Variants in DNAL1 observed in about 807,000 individuals in gnomAD.
DNAL1 encodes dynein axonemal light chain 1.
DNAL1 carries 17 observed loss-of-function variants against 29.4 expected under a neutral mutation model. The ratio of observed to expected loss-of-function variants is 0.58; its 90% CI spans 0.40 to 0.87. DNAL1 has a LOEUF of 0.87. DNAL1 is among the 40% of genes least tolerant of loss of function. DNAL1 has a pLI of 0.00. For synonymous variants in DNAL1, 78 were observed against 76.3 expected, an observed-to-expected ratio of 1.02 and a Z score of -0.12; for missense variants, 188 against 214.1, an observed-to-expected ratio of 0.88 and a Z score of 0.76.
chr14:73,697,626 C>G lies in DNAL1; in HGVS notation c.*1684C>G, dbSNP rs1241767307. The G allele has an allele frequency of 6.6e-6, 1 of 151,856 alleles. No individual in the cohort carries two copies. Among genetic ancestry groups the G allele is most frequent in the East Asian group, 1.9e-4 (1 of 5,172 alleles). 9.4% of individuals were successfully genotyped at this position (151,856 alleles called of 1,614,324 possible). A position where few individuals can be genotyped will look rare whatever the true frequency, so the allele number is the denominator to read the frequency against. On this transcript the variant is annotated 3_prime_UTR_variant, in exon 8 of 8. Transcript: ENST00000553645. ...GTCCTGGTGGTGGGCGCCTGTAGTC[C>G]CAACTACTCGGGAGGCTGAGGCAGG... is the stretch of plus-strand genomic sequence containing the variant.
intron 1 of DNAL1, among the ~76,000 whole-genome samples, chr14:73,652,759 A>G (rs532645212): frequency 6.6e-6 from 1 of 152,250 alleles, no homozygotes; most frequent in African/African-American, 2.4e-5. Flanking sequence ...CAAATGTGTG[A>G]ACGCCTATCT....
chr14:73,671,947 G>A (rs1293829411), intron 5 of DNAL1, among the ~76,000 whole-genome samples: 1 of 152,132 alleles, frequency 6.6e-6, no homozygotes, highest in Non-Finnish European at 1.5e-5. Flanking sequence ...AATATTTCTT[G>A]TATCTGTTCC....
intron 5 of DNAL1, among the ~76,000 whole-genome samples, chr14:73,677,570 T>A (rs1013227455): frequency 5.3e-5 from 8 of 150,100 alleles, no homozygotes; most frequent in South Asian, 2.1e-4. Context: ...TTATTTATTT[T>A]TTTTGAGACG....
chr14:73,701,163 G>A lies in DNAL1; in HGVS notation c.*5221G>A, dbSNP rs1024557084. The A allele has an allele frequency of 1.3e-5, 2 of 152,224 alleles. No homozygotes were observed. Among genetic ancestry groups the A allele is most frequent in the African/African-American group, 2.4e-5 (1 of 41,456 alleles). The allele number at this position is 152,224 out of a possible 1,614,324, so 9.4% of individuals were successfully genotyped here. On this transcript the variant is annotated 3_prime_UTR_variant, in exon 8 of 8. Transcript: ENST00000553645. ...TCTAGTTAATTTCCCATATTGGGCA[G>A]TTTAGAGGAGACCCAGCCAACCAAA...
chr14:73,652,139 G>A (rs1891126158), intron 1 of DNAL1, among the ~76,000 whole-genome samples: 1 of 151,986 alleles, frequency 6.6e-6, no homozygotes, highest in South Asian at 2.1e-4. Context: ...GGGCTCTAGT[G>A]GTCCTCCCGC....
At chr14:73,676,238 A>C (rs980837632) in intron 5 of DNAL1, among the ~76,000 whole-genome samples, 10 of 151,938 alleles carry the variant, frequency 6.6e-5, no homozygotes, top group Admixed American at 6.6e-4. Context: ...TGTCTCAAAA[A>C]AAAAAAAAAT....
intron 7 of DNAL1, among the ~76,000 whole-genome samples, chr14:73,695,223 A>AT (rs1005479827): frequency 1.3e-5 from 2 of 149,488 alleles, no homozygotes; most frequent in African/African-American, 2.5e-5. Context: ...TGCCTGGCTA[A>AT]TTTTTTTTAT....
At chr14:73,649,769 G>A (rs1476686724) in intron 1 of DNAL1, among the ~76,000 whole-genome samples, 1 of 151,572 alleles carries the variant, frequency 6.6e-6, no homozygotes, top group African/African-American at 2.4e-5. Context: ...TTTTCTTATT[G>A]TATGCAGTTC....
At chr14:73,674,689 G>A (rs1053258674) in intron 5 of DNAL1, among the ~76,000 whole-genome samples, 10 of 151,992 alleles carry the variant, frequency 6.6e-5, no homozygotes, top group Non-Finnish European at 1.0e-4. Context: ...CCACAGGTGT[G>A]TGCCATCATA....
At chr14:73,686,016 G>A (rs139784374) in intron 5 of DNAL1, among the ~76,000 whole-genome samples, 2 of 152,102 alleles carry the variant, frequency 1.3e-5, no homozygotes, top group Admixed American at 6.6e-5. Context: ...TTTAAGGAAC[G>A]GCCAAATTGT....
chr14:73,649,835 T>C (rs1280769921), intron 1 of DNAL1, among the ~76,000 whole-genome samples: 1 of 152,206 alleles, frequency 6.6e-6, no homozygotes, highest in African/African-American at 2.4e-5. Flanking sequence ...CTGAAATCTA[T>C]GGACATTCAA....
At chr14:73,692,392 G>A (rs1032503302) in intron 7 of DNAL1, among the ~76,000 whole-genome samples, 3 of 152,046 alleles carry the variant, frequency 2.0e-5, no homozygotes, top group African/African-American at 7.2e-5. Flanking sequence ...TGAGGCAGGA[G>A]AATCACTTGA....
At chr14:73,654,812 G>GT (rs1258134213) in intron 1 of DNAL1, 35 bp from the exon 2 acceptor site, 2 of 1,496,148 alleles carry the variant, frequency 1.3e-6, no homozygotes, top group Non-Finnish European at 1.8e-6. Flanking sequence ...ATACAACTTT[G>GT]TTTTTTCTTT....
intron 5 of DNAL1, among the ~76,000 whole-genome samples, chr14:73,677,884 T>TGTGTGTGTGTGTGTGTG (rs1555402397): frequency 9.4e-5 from 9 of 96,132 alleles, no homozygotes; most frequent in African/African-American, 3.4e-4. Flanking sequence ...ATATATATAT[T>TGTGTGTGTGTGTGTGTG]TGTGTGTGTG....
chr14:73,657,875 G>A (rs941627351), intron 2 of DNAL1, among the ~76,000 whole-genome samples: 2 of 152,204 alleles, frequency 1.3e-5, no homozygotes, highest in East Asian at 1.9e-4. Flanking sequence ...GATTACAGGC[G>A]TGCACCACTA....
Position 73,662,046 on chromosome 14 carries a change from A to G in DNAL1, c.208+4A>G. The G allele has an allele frequency of 1.9e-6, 3 of 1,555,324 alleles. No individual in the cohort carries two copies. The highest frequency in any genetic ancestry group is 1.7e-6 in the Non-Finnish European group (2 of 1,147,108). On this transcript the variant is annotated splice_donor_region_variant and intron_variant, in intron 4 of 7. Coordinates refer to ENST00000553645, the MANE Select transcript of DNAL1 (RefSeq NM_031427.4). Reference sequence around the variant, plus strand: ...ATTGCCAACCTGAATGGCTTAAGTAAGTGATTCACAGTAACAGATGGTTCA... The same window carrying G: ...ATTGCCAACCTGAATGGCTTAAGTAGGTGATTCACAGTAACAGATGGTTCA...
At chr14:73,689,339 A>AGT (rs1172115745) in intron 6 of DNAL1, 36 bp from the exon 7 acceptor site, 2 of 1,549,384 alleles carry the variant, frequency 1.3e-6, no homozygotes, top group East Asian at 2.4e-5. Context: ...GCCAAAACTT[A>AGT]GTGTTTTAAT....
At chr14:73,666,718 G>A (rs539053922) in intron 4 of DNAL1, among the ~76,000 whole-genome samples, 31 of 152,248 alleles carry the variant, frequency 2.0e-4, no homozygotes, top group Admixed American at 1.4e-3. Context: ...CTTAGAAAAA[G>A]TTGCATATAT....
chr14:73,655,835 C>G (rs533065361), intron 2 of DNAL1, among the ~76,000 whole-genome samples: 5 of 152,134 alleles, frequency 3.3e-5, no homozygotes, highest in African/African-American at 1.2e-4. Context: ...AATACTCAAG[C>G]AGCAATACTA....
Sources: allele counts gnomAD v4.1 joint callset (sites outside exome capture counted in the v4.1 genomes callset), GRCh38; gene constraint gnomAD v4.1.1; transcripts MANE v1.5; gene names NCBI Gene and HGNC (gene_info 2026-07-23, HGNC 2026-07-21).